ESRRG: variants seen among roughly 807,000 people sequenced by gnomAD.
The protein encoded by ESRRG is estrogen related receptor gamma.
In ESRRG, 13 loss-of-function variants were observed where a neutral mutation model predicts 44.0. That is an observed-to-expected ratio of 0.30 (90% CI 0.19 to 0.47). The LOEUF (loss-of-function observed/expected upper bound fraction) is 0.47. Ranked by LOEUF, ESRRG falls within the 20% of genes least tolerant of loss-of-function variation. ESRRG has a pLI of 1.00. For missense variants in ESRRG, 395 were observed against 580.6 expected, an observed-to-expected ratio of 0.68 and a Z score of 3.29; for synonymous variants, 215 against 214.6, an observed-to-expected ratio of 1.00 and a Z score of -0.02.
At chr1:216,627,382 A>C (rs940746195) in intron 3 of ESRRG, among the ~76,000 whole-genome samples, 3 of 151,974 alleles carry the variant, frequency 2.0e-5, no homozygotes, top group African/African-American at 7.3e-5. Context: ...GTCACATTGT[A>C]TCTGGTTTTT....
chr1:216,531,415 G>A (rs2049335508), intron 5 of ESRRG, among the ~76,000 whole-genome samples: 1 of 152,024 alleles, frequency 6.6e-6, no homozygotes, highest in Non-Finnish European at 1.5e-5. Flanking sequence ...GCTGGCTCAA[G>A]CAGAGCTAAG....
At chr1:216,873,614 A>T (rs190503906) in intron 2 of ESRRG, among the ~76,000 whole-genome samples, 6 of 151,702 alleles carry the variant, frequency 4.0e-5, no homozygotes, top group Admixed American at 6.6e-5. Flanking sequence ...CAGTCCTCCA[A>T]CTAGAAATCT....
intron 1 of ESRRG, among the ~76,000 whole-genome samples, chr1:217,125,444 A>G (rs1004466233): frequency 2.0e-5 from 3 of 152,228 alleles, no homozygotes; most frequent in African/African-American, 7.2e-5. Context: ...ATTTGTCTAC[A>G]AGAAAAATCT....
intron 1 of ESRRG, among the ~76,000 whole-genome samples, chr1:217,001,048 A>T (rs1228576903): frequency 6.6e-6 from 1 of 152,254 alleles, no homozygotes; most frequent in Non-Finnish European, 1.5e-5. Flanking sequence ...CATAAAGTGC[A>T]TGCAAGCACC....
intron 2 of ESRRG, among the ~76,000 whole-genome samples, chr1:216,787,244 C>G (rs866878692): frequency 4.6e-5 from 7 of 152,074 alleles, no homozygotes; most frequent in African/African-American, 1.7e-4. Flanking sequence ...TCTCTGGTCT[C>G]TCTCTCTCTG....
intron 1 of ESRRG, among the ~76,000 whole-genome samples, chr1:217,130,021 GA>G (rs1322244093): frequency 6.6e-6 from 1 of 152,106 alleles, no homozygotes; most frequent in Non-Finnish European, 1.5e-5. Flanking sequence ...ACCCCCAGCA[GA>G]AGAAGCAAAA....
chr1:216,549,986 C>CGT (rs1380893751), intron 5 of ESRRG, among the ~76,000 whole-genome samples: 1 of 152,044 alleles, frequency 6.6e-6, no homozygotes, highest in Admixed American at 6.6e-5. Context: ...CTGCAACAGC[C>CGT]GTGCGGAAGT....
chr1:216,953,597 C>A (rs1273309591), intron 1 of ESRRG, among the ~76,000 whole-genome samples: 1 of 152,008 alleles, frequency 6.6e-6, no homozygotes, highest in African/African-American at 2.4e-5. Flanking sequence ...TGCTTGCTTT[C>A]CTTTGAACTG....
At chr1:216,917,158 C>CT (rs534545705) in intron 2 of ESRRG, among the ~76,000 whole-genome samples, 15,586 of 130,606 alleles carry the variant, frequency 0.12, 894 homozygotes, top group Middle Eastern at 0.17. Context: ...AATAGACTTT[C>CT]TTTTTTTTTT....
At chr1:216,816,968 C>T (rs963529851) in intron 2 of ESRRG, among the ~76,000 whole-genome samples, 12 of 151,884 alleles carry the variant, frequency 7.9e-5, no homozygotes, top group East Asian at 1.9e-4. Context: ...AAACACTGAC[C>T]GCCTTCTTTC....
rs1558294925 is a variant in ESRRG, at chr1:217,130,811, T to C, written c.-230+6856A>G. Among the ~76,000 whole-genome samples, 4 of 152,210 alleles carry C rather than the reference T, an allele frequency of 2.6e-5. 1 individual carries two copies. In the South Asian group the frequency reaches 8.3e-4, roughly 32 times the overall value. ...TATCTGACAGAAAAAATAAAGAACA[T>C]AGGAGACAAACTAAGTATTCATCAA... is the stretch of plus-strand genomic sequence containing the variant. On this transcript the variant is annotated intron_variant, in intron 1 of 8. Transcript: ENST00000366940.
intron 1 of ESRRG, among the ~76,000 whole-genome samples, chr1:217,083,356 T>C (rs1160479671): frequency 6.6e-6 from 1 of 152,240 alleles, no homozygotes; most frequent in Non-Finnish European, 1.5e-5. Flanking sequence ...TTTCTAGTCA[T>C]GGCGTAGGGC....
chr1:216,730,775 T>G (rs1026157108), intron 2 of ESRRG, among the ~76,000 whole-genome samples: 2 of 152,022 alleles, frequency 1.3e-5, no homozygotes, highest in South Asian at 4.2e-4. Flanking sequence ...AAAAAATAGG[T>G]AAATGGTGAG....
chr1:217,026,912 CAG>C (rs71163786), intron 1 of ESRRG, among the ~76,000 whole-genome samples: 13,309 of 92,728 alleles, frequency 0.14, 746 homozygotes, highest in South Asian at 0.19. Flanking sequence ...CACACACACA[CAG>C]AGAGAGAGAG....
chr1:217,040,612 AT>A (rs111759973), intron 1 of ESRRG, among the ~76,000 whole-genome samples: 1,705 of 152,190 alleles, frequency 0.011, 25 homozygotes, highest in African/African-American at 0.037. Flanking sequence ...TTCTATTAAA[AT>A]TTTTTTCCTA....
At chr1:217,120,977 C>T (rs1405696608) in intron 1 of ESRRG, among the ~76,000 whole-genome samples, 1 of 152,186 alleles carries the variant, frequency 6.6e-6, no homozygotes, top group Non-Finnish European at 1.5e-5. Context: ...CAAGGCATGG[C>T]ACAGTGCCTA....
At chr1:216,731,638 C>T (rs1038974876) in intron 2 of ESRRG, among the ~76,000 whole-genome samples, 8 of 152,086 alleles carry the variant, frequency 5.3e-5, no homozygotes, top group Non-Finnish European at 1.2e-4. Flanking sequence ...CAATACGTAC[C>T]CCCAAAATAT....
At position 216,503,664 on chromosome 1, in the gene ESRRG, C is replaced by T. The variant is rs982987617; in HGVS notation, c.*3275G>A. 6.6e-6 allele frequency: 1 copy of T among 152,496 alleles called. No individual in the cohort carries two copies. Among genetic ancestry groups the T allele is most frequent in the Non-Finnish European group, 1.5e-5 (1 of 67,984 alleles). The allele number at this position is 152,496 out of a possible 1,614,324, so 9.4% of individuals were successfully genotyped here. ...GACGCTTAAATAATTAAAATACAAT[C>T]ACCAACACCCATTTTCTCTTCTATA... On this transcript the variant is annotated 3_prime_UTR_variant, in exon 7 of 7. Coordinates refer to ENST00000408911, the MANE Select transcript of ESRRG (RefSeq NM_001438.4).
intron 2 of ESRRG, among the ~76,000 whole-genome samples, chr1:216,756,476 C>G (rs373825840): frequency 6.6e-6 from 1 of 151,940 alleles, no homozygotes; most frequent in Non-Finnish European, 1.5e-5. Context: ...GGAGCTTCAA[C>G]GAGAGGAATT....
Sources: allele counts gnomAD v4.1 joint callset (sites outside exome capture counted in the v4.1 genomes callset), GRCh38; gene constraint gnomAD v4.1.1; transcripts MANE v1.5; gene names NCBI Gene and HGNC (gene_info 2026-07-23, HGNC 2026-07-21).